SPTBN4: variants seen among roughly 807,000 people sequenced by gnomAD.
SPTBN4 encodes spectrin beta chain, non-erythrocytic 4.
A neutral mutation model predicts 277.8 loss-of-function variants in SPTBN4; 96 were observed. The ratio of observed to expected loss-of-function variants is 0.35; its 90% CI spans 0.29 to 0.41. The LOEUF (loss-of-function observed/expected upper bound fraction) is 0.41. SPTBN4 is among the 10% of genes least tolerant of loss of function. The pLI is 1.00. For missense variants in SPTBN4, 3,006 were observed against 3,595.7 expected (o/e 0.84, Z 4.19); for synonymous variants, 1,481 against 1,580.3 (o/e 0.94, Z 1.49).
At chr19:40,469,228 A>G (rs2079857664) in intron 1 of SPTBN4, among the ~76,000 whole-genome samples, 1 of 151,970 alleles carries the variant, frequency 6.6e-6, no homozygotes, top group South Asian at 2.1e-4. Flanking sequence ...TCTTTTGAGG[A>G]CATTGATCTC....
At chr19:40,547,556 C>T (rs980206644) in intron 20 of SPTBN4, among the ~76,000 whole-genome samples, 2 of 152,148 alleles carry the variant, frequency 1.3e-5, no homozygotes, top group Non-Finnish European at 1.5e-5. Context: ...GTAATGGGAT[C>T]ACTGGGTCAA....
At position 40,560,767 on chromosome 19, in the gene SPTBN4, T is replaced by A. The variant is rs1439402936; in HGVS notation, c.5915+364T>A. ...TAACAATTCCAGCATCTCAGTGGCT[T>A]CATTAGTGGGCATGGGCTTATTGCT... On this transcript the variant is annotated intron_variant, in intron 27 of 35. Coordinates refer to ENST00000598249, the MANE Select transcript of SPTBN4 (RefSeq NM_020971.3). This position sits in a 1 kb window ranked among gnomAD's most constrained non-coding sequence, Gnocchi z 5.2. 5.4e-6 allele frequency: 7 copies of A among 1,287,124 alleles called. No individual in the cohort carries two copies. The highest frequency in any genetic ancestry group is 6.9e-6 in the Non-Finnish European group (7 of 1,011,224). The allele number at this position is 1,287,124 out of a possible 1,614,324, so 79.7% of individuals were successfully genotyped here. A position where few individuals can be genotyped will look rare whatever the true frequency, so the allele number is the denominator to read the frequency against.
chr19:40,534,251 G>A lies in SPTBN4; in HGVS notation c.4267G>A (p.Asp1423Asn). Reference protein sequence around the residue: ...DQLVQSFAELDKKLLHMESQL... With the variant: ...DQLVQSFAELNKKLLHMESQL... ...GCTGGTGCAGAGCTTTGCTGAGCTGGACAAGAAGCTCCTTCACATGGAGAG... is the reference window on the plus strand; with the variant it reads ...GCTGGTGCAGAGCTTTGCTGAGCTGAACAAGAAGCTCCTTCACATGGAGAG... Residue 1423 changes from aspartate (D) to asparagine (N), a missense_variant, in exon 20 of 36, where the codon GAC (aspartate) becomes AAC (asparagine). Physicochemically the swap from Asp to Asn is conservative, Grantham distance 23. This residue lies in a region of SPTBN4 where 1,759 missense variants were observed against 2,061.5 expected (regional missense o/e 0.85). Coordinates refer to ENST00000598249, the MANE Select transcript of SPTBN4 (RefSeq NM_020971.3). 2 of 1,614,184 alleles carry A rather than the reference G, an allele frequency of 1.2e-6. No individual in the cohort carries two copies. The highest frequency in any genetic ancestry group is 1.7e-6 in the Non-Finnish European group (2 of 1,180,044).
At chr19:40,565,379 G>A in intron 27 of SPTBN4, 44 bp from the exon 28 acceptor site, 1 of 1,586,012 alleles carries the variant, frequency 6.3e-7, no homozygotes, top group Non-Finnish European at 8.6e-7. Context: ...GGCAGGCTGA[G>A]GAGGCTCCCT....
In SPTBN4 at chr19:40,573,352, C is replaced by T. The variant is rs541435907; in HGVS notation, c.7536+972C>T. On this transcript the variant is annotated intron_variant, in intron 35 of 35. Coordinates refer to ENST00000598249, the MANE Select transcript of SPTBN4 (RefSeq NM_020971.3). ...TGGGTGATCTAGGTAGAGGGAACTG[C>T]AAGTGCAGAGGACCAGAGGTGCAGT... Among the ~76,000 whole-genome samples the T allele has an allele frequency of 7.2e-5, 11 of 152,244 alleles. No homozygotes were observed. The South Asian group carries it at 2.1e-3, about 29-fold the overall frequency.
rs2080492482 is a variant in SPTBN4, at chr19:40,519,053, G to T, written c.2904-348G>T. On this transcript the variant is annotated intron_variant, in intron 15 of 35. Transcript: ENST00000598249. The surrounding 1 kb of genome is among the most constrained non-coding windows in gnomAD (Gnocchi z 5.7). ...TTAAAGTCTGGTTTAAGAGATGGCA[G>T]CTGGGCTTCTCTTAAATCAGAGTCG... 6.6e-6 allele frequency among the ~76,000 whole-genome samples: 1 copy of T among 152,196 alleles called. No homozygotes were observed. Among genetic ancestry groups the T allele is most frequent in the Non-Finnish European group, 1.5e-5 (1 of 68,024 alleles).
intron 20 of SPTBN4, chr19:40,534,667 G>A (rs2080715189): frequency 5.9e-6 from 2 of 339,246 alleles, no homozygotes; most frequent in Non-Finnish European, 5.6e-6. Flanking sequence ...CAGGGGTATG[G>A]GAATGGCTTT....
intron 4 of SPTBN4, among the ~76,000 whole-genome samples, chr19:40,492,430 T>G (rs2080149183): frequency 6.6e-6 from 1 of 152,000 alleles, no homozygotes; most frequent in African/African-American, 2.4e-5. Flanking sequence ...GGAGGGAGGA[T>G]GCTTGTGATT....
At position 40,519,655 on chromosome 19, in the gene SPTBN4, C is replaced by G; in HGVS notation, c.3158C>G (p.Pro1053Arg). 7.2e-7 allele frequency: 1 copy of G among 1,394,142 alleles called. No homozygotes were observed. Among genetic ancestry groups the G allele is most frequent in the Non-Finnish European group, 9.2e-7 (1 of 1,085,804 alleles). The allele number at this position is 1,394,142 out of a possible 1,614,324, so 86.4% of individuals were successfully genotyped here. The change falls in exon 16 of 36, where the codon CCG (proline) becomes CGG (arginine). Residue 1053 changes from proline (P) to arginine (R), a missense_variant. Coordinates refer to ENST00000598249, the MANE Select transcript of SPTBN4 (RefSeq NM_020971.3). The surrounding 1 kb of genome is among the most constrained non-coding windows in gnomAD (Gnocchi z 5.7). Reference sequence around the variant, plus strand: ...GCAGCCCTGCTGGCTGAGCGCTTCCCGGCGCAGGCGGCGCGGCTGCACCAG... The same window carrying G: ...GCAGCCCTGCTGGCTGAGCGCTTCCGGGCGCAGGCGGCGCGGCTGCACCAG... The part of the protein sequence containing the change: ...EEAALLAERF[P>R]AQAARLHQGA...
At position 40,490,429 on chromosome 19, in the gene SPTBN4, C is replaced by G. The variant is rs1194959202; in HGVS notation, c.495+181C>G. Among the ~76,000 whole-genome samples the G allele has an allele frequency of 1.3e-5, 2 of 152,162 alleles. No homozygotes were observed. The highest frequency in any genetic ancestry group is 2.9e-5 in the Non-Finnish European group (2 of 68,018). Reference sequence around the variant, plus strand: ...TCACGATCACCACCATCACGATAATCATTTTGTATCGACCCTGTTCCAAAC... The same window carrying G: ...TCACGATCACCACCATCACGATAATGATTTTGTATCGACCCTGTTCCAAAC... On this transcript the variant is annotated intron_variant, in intron 4 of 35. Coordinates refer to ENST00000598249, the MANE Select transcript of SPTBN4 (RefSeq NM_020971.3). This position sits in a 1 kb window ranked among gnomAD's most constrained non-coding sequence, Gnocchi z 4.3.
rs759907203 is a variant in SPTBN4, at chr19:40,565,542, A to G, written c.6035A>G (p.Lys2012Arg). ...QELGRSLLLN[K>R]SAMADEIQAQ... The stretch of plus-strand genomic sequence containing the variant: ...CTGGGGCGATCTCTGCTGCTCAACA[A>G]AAGTGCCATGGCTGATGAGGTGGGG... Residue 2012 changes from lysine to arginine, a missense_variant, in exon 28 of 36, where the codon AAA becomes AGA. Transcript: ENST00000598249. 1.2e-6 allele frequency: 2 copies of G among 1,614,030 alleles called. No individual in the cohort carries two copies. The highest frequency in any genetic ancestry group is 1.7e-5 in the Admixed American group (1 of 60,010).
At chr19:40,472,102 G>A (rs867563752) in intron 1 of SPTBN4, among the ~76,000 whole-genome samples, 8 of 151,832 alleles carry the variant, frequency 5.3e-5, no homozygotes, top group Non-Finnish European at 2.9e-5. Flanking sequence ...TAGAGACAGC[G>A]TTCTCCATGT....
intron 13 of SPTBN4, among the ~76,000 whole-genome samples, chr19:40,510,043 C>A (rs1229243655): frequency 1.3e-5 from 2 of 151,984 alleles, no homozygotes; most frequent in Non-Finnish European, 2.9e-5. Flanking sequence ...AGCAGAGGGG[C>A]CAGTGTGGGG....
rs1465748406 is a variant in SPTBN4 at position 40,472,824 on chromosome 19, G to GAGGGGGA, written c.169+46_169+52dup. The GAGGGGGA allele has an allele frequency of 2.2e-5, 33 of 1,479,148 alleles. No homozygotes were observed. In the Admixed American group the frequency reaches 6.7e-4, roughly 30 times the overall value. 91.6% of individuals were successfully genotyped at this position (1,479,148 alleles called of 1,614,324 possible). On this transcript the variant is annotated intron_variant, in intron 2 of 35. Coordinates refer to ENST00000598249, the MANE Select transcript of SPTBN4 (RefSeq NM_020971.3). ...AGGAGGGCTGGGGTGGGATGAGGAG[G>GAGGGGGA]AGGGGGAAGGGGGAAGGGTGCCCGA...
chr19:40,516,993 A>G (rs1372642688), intron 15 of SPTBN4, among the ~76,000 whole-genome samples: 1 of 152,214 alleles, frequency 6.6e-6, no homozygotes, highest in Non-Finnish European at 1.5e-5. Flanking sequence ...CAATTCTCCC[A>G]GTGCAGGTGG....
chr19:40,502,961 G>A lies in SPTBN4; in HGVS notation c.1362+28G>A, dbSNP rs1281317568. On this transcript the variant is annotated intron_variant, in intron 11 of 35. Coordinates refer to ENST00000598249, the MANE Select transcript of SPTBN4 (RefSeq NM_020971.3). This position sits in a 1 kb window ranked among gnomAD's most constrained non-coding sequence, Gnocchi z 4.9. Reference sequence around the variant, plus strand: ...ACAAGGTGTAGGGCTTGGCTCCAGGGTAAAGGGACGGAGGGCGGGGCTGAT... The same window carrying A: ...ACAAGGTGTAGGGCTTGGCTCCAGGATAAAGGGACGGAGGGCGGGGCTGAT... 1.2e-6 allele frequency: 2 copies of A among 1,608,370 alleles called. No individual in the cohort carries two copies. The highest frequency in any genetic ancestry group is 8.5e-7 in the Non-Finnish European group (1 of 1,177,052).
chr19:40,561,115 G>A (rs1487042493), intron 27 of SPTBN4, among the ~76,000 whole-genome samples: 2 of 152,130 alleles, frequency 1.3e-5, no homozygotes, highest in Non-Finnish European at 2.9e-5. Flanking sequence ...CCAGGTTCAA[G>A]CGATTCTCCT....
chr19:40,568,404 G>A (rs1599822478), intron 31 of SPTBN4, 122 bp downstream of exon 31: 1 of 1,351,708 alleles, frequency 7.4e-7, no homozygotes, highest in Non-Finnish European at 9.8e-7. Flanking sequence ...AGATATCGCC[G>A]CGGTACCCAT....
At chr19:40,510,370 T>C (rs1363524476) in intron 13 of SPTBN4, among the ~76,000 whole-genome samples, 1 of 151,992 alleles carries the variant, frequency 6.6e-6, no homozygotes, top group Non-Finnish European at 1.5e-5. Context: ...GGTGGCACTA[T>C]CTCGGCTCAC....
Sources: gnomAD v4.1 joint callset for allele counts (sites outside exome capture counted in the v4.1 genomes callset) on GRCh38, gnomAD v4.1.1 for gene constraint, gnomAD v4.1.1 regional missense constraint, Gnocchi (gnomAD v3.1) non-coding constraint, MANE v1.5 for transcripts, NCBI Gene and HGNC (gene_info 2026-07-23, HGNC 2026-07-21) for gene names.